Variants in TERB1 observed in about 807,000 individuals in gnomAD.
TERB1 encodes the protein telomere repeat binding bouquet formation protein 1.
In TERB1, 63 loss-of-function variants were observed where a neutral mutation model predicts 92.3. The observed-to-expected ratio is 0.68, with a 90% CI of 0.56 to 0.84. The LOEUF (loss-of-function observed/expected upper bound fraction) is 0.84, where lower values mean the gene tolerates loss of function less well. Ranked by LOEUF, TERB1 falls within the 40% of genes least tolerant of loss-of-function variation. TERB1 has a pLI of 0.00. For missense variants in TERB1, 709 were observed against 843.7 expected (o/e 0.84, Z 1.98); for synonymous variants, 252 against 283.9 (o/e 0.89, Z 1.13).
chr16:66,767,506 T>C lies in TERB1; in HGVS notation c.1689A>G (p.Pro563=). ...NIKQQLPVTD[P]FTLCSDIINK... ...TTATTATATCTGAACATAATGTAAA[T>C]GGATCTGAAAAAAATTGCAAAATGA... The change falls in exon 16 of 19, where the codon CCA becomes CCG. Residue 563 remains proline (P), a synonymous_variant. Coordinates refer to ENST00000433154, the MANE Select transcript of TERB1 (RefSeq NM_001136505.2). 6.9e-7 allele frequency: 1 copy of C among 1,445,582 alleles called. No individual in the cohort carries two copies. Among genetic ancestry groups the C allele is most frequent in the Non-Finnish European group, 9.3e-7 (1 of 1,079,530 alleles). The allele number at this position is 1,445,582 out of a possible 1,614,324, so 89.5% of individuals were successfully genotyped here. A position where few individuals can be genotyped will look rare whatever the true frequency, so the allele number is the denominator to read the frequency against.
rs1368978577 is a variant in TERB1 at position 66,754,671 on chromosome 16, A to C, written c.*305T>G. The C allele has an allele frequency of 3.4e-6, 1 of 295,502 alleles. No individual in the cohort carries two copies. Among genetic ancestry groups the C allele is most frequent in the Non-Finnish European group, 6.2e-6 (1 of 160,794 alleles). The allele number at this position is 295,502 out of a possible 1,614,324, so 18.3% of individuals were successfully genotyped here. ...ATAGTATTTATTGCAATATAATGTC[A>C]AATAACATTTAAAGGCTAATTCTTT... is the stretch of plus-strand genomic sequence containing the variant. On this transcript the variant is annotated 3_prime_UTR_variant, in exon 19 of 19. Transcript: ENST00000433154.
At chr16:66,802,005 G>C (rs1201616528), upstream of TERB1, among the ~76,000 whole-genome samples, 2 of 152,190 alleles carry the variant, frequency 1.3e-5, no homozygotes, top group African/African-American at 2.4e-5. Flanking sequence ...TCACCAGGGG[G>C]CTTCCGGAGT....
intron 5 of TERB1, among the ~76,000 whole-genome samples, chr16:66,788,647 C>T (rs1230433006): frequency 2.0e-5 from 3 of 150,296 alleles, no homozygotes; most frequent in Non-Finnish European, 4.4e-5. Flanking sequence ...AAAAACAATT[C>T]AAGAAAATTC....
In TERB1 at chr16:66,775,356, A is replaced by G. The variant is rs994919736; in HGVS notation, c.986-113T>C. 6.5e-5 allele frequency: 62 copies of G among 957,628 alleles called. No homozygotes were observed. The Middle Eastern group carries it at 9.0e-4, about 14-fold the overall frequency. 59.3% of individuals were successfully genotyped at this position (957,628 alleles called of 1,614,324 possible). ...TAGTTCAAAATTTTAAAAATAGGCC[A>G]GGAACGGTGGCTCACTCTTGTAATC... On this transcript the variant is annotated intron_variant, in intron 11 of 18. Transcript: ENST00000433154.
intron 6 of TERB1, among the ~76,000 whole-genome samples, chr16:66,787,296 T>C (rs1041694748): frequency 3.3e-5 from 5 of 151,244 alleles, no homozygotes; most frequent in African/African-American, 1.2e-4. Context: ...TTTTTTTTTT[T>C]TTTATTTCTT....
At chr16:66,767,086 T>A (rs757457) in intron 16 of TERB1, among the ~76,000 whole-genome samples, 1 of 151,112 alleles carries the variant, frequency 6.6e-6, no homozygotes, top group African/African-American at 2.4e-5. Flanking sequence ...ACCAGCACTT[T>A]GAGAGGCTGA....
rs1340897138 is a variant in TERB1, at chr16:66,786,237, G to A, written c.449C>T (p.Ser150Leu). The A allele has an allele frequency of 6.5e-7, 1 of 1,549,488 alleles. No homozygotes were observed. ...VRETGCITVL[S>L]RLFRTVISKH... Reference sequence around the variant, plus strand: ...TGTATTTGTTTACCTGAATAACCGTGACAGAACTGTAATACAACCTGTTTC... The same window carrying A: ...TGTATTTGTTTACCTGAATAACCGTAACAGAACTGTAATACAACCTGTTTC... The change falls in exon 7 of 19, where the codon TCA becomes TTA. Residue 150 changes from serine (S) to leucine (L), a missense_variant. Transcript: ENST00000433154.
intron 9 of TERB1, among the ~76,000 whole-genome samples, chr16:66,783,812 C>A (rs1044747359): frequency 6.6e-6 from 1 of 152,274 alleles, no homozygotes; most frequent in East Asian, 1.9e-4. Flanking sequence ...GCACACTATA[C>A]CCTTGAACTT....
At chr16:66,801,679 G>A (rs1166350590), upstream of TERB1, 2 of 152,172 alleles carry the variant, frequency 1.3e-5, no homozygotes, top group Non-Finnish European at 2.9e-5. Context: ...TTACGCTTCC[G>A]CGGGTGCCCT....
At chr16:66,773,051 C>T (rs1252210024) in intron 12 of TERB1, among the ~76,000 whole-genome samples, 2 of 151,900 alleles carry the variant, frequency 1.3e-5, no homozygotes, top group Non-Finnish European at 2.9e-5. Context: ...TTTTTAGGCC[C>T]GGCACAGTGG....
chr16:66,766,110 A>G (rs1597011204), intron 16 of TERB1, among the ~76,000 whole-genome samples: 1 of 151,046 alleles, frequency 6.6e-6, no homozygotes, highest in African/African-American at 2.4e-5. Context: ...TGACCTCATG[A>G]TCCACCCGCC....
chr16:66,780,801 G>A (rs572051298), intron 9 of TERB1, among the ~76,000 whole-genome samples: 1 of 152,264 alleles, frequency 6.6e-6, no homozygotes, highest in African/African-American at 2.4e-5. Context: ...GAGATAAAGG[G>A]ACTGTTAGGG....
Position 66,755,025 on chromosome 16 carries a change from G to A in TERB1, c.2135C>T (p.Ala712Val). 1 of 1,551,542 alleles carries A rather than the reference G, an allele frequency of 6.4e-7. No individual in the cohort carries two copies. Among genetic ancestry groups the A allele is most frequent in the Non-Finnish European group, 8.7e-7 (1 of 1,146,966 alleles). The change falls in exon 19 of 19, where the codon GCT (alanine) becomes GTT (valine). Residue 712 changes from alanine (A) to valine (V), a missense_variant. Ala to Val is a moderately conservative substitution (Grantham distance 64, BLOSUM62 0). Coordinates refer to ENST00000433154, the MANE Select transcript of TERB1 (RefSeq NM_001136505.2). ...FQQGRKAVDL[A>V]HKYHKLTKHP... ...TTTGGTCAGCTTGTGGTATTTGTGAGCAAGGTCCACAGCCTTCCGTCCTTG... is the reference window on the plus strand; with the variant it reads ...TTTGGTCAGCTTGTGGTATTTGTGAACAAGGTCCACAGCCTTCCGTCCTTG...
chr16:66,771,447 G>A (rs938272571), intron 13 of TERB1, among the ~76,000 whole-genome samples: 52 of 152,010 alleles, frequency 3.4e-4, no homozygotes, highest in African/African-American at 1.1e-3. Context: ...TCCATTTATC[G>A]ATGATGAAAC....
intron 13 of TERB1, 78 bp downstream of exon 13, chr16:66,772,511 A>T: frequency 7.9e-7 from 1 of 1,263,632 alleles, no homozygotes; most frequent in South Asian, 1.4e-5. Context: ...TTTATATGTC[A>T]GTGTAGTATG....
At chr16:66,755,209 T>G in intron 18 of TERB1, 46 bp from the exon 19 acceptor site, 1 of 1,211,984 alleles carries the variant, frequency 8.3e-7, no homozygotes, top group Non-Finnish European at 1.2e-6. Flanking sequence ...TGAACAAAGG[T>G]CCTGAGATGC....
At chr16:66,778,169 C>G (rs960140327) in intron 10 of TERB1, among the ~76,000 whole-genome samples, 1 of 152,176 alleles carries the variant, frequency 6.6e-6, no homozygotes, top group Non-Finnish European at 1.5e-5. Context: ...GTAAATCTGA[C>G]CTCATACTTA....
intron 3 of TERB1, among the ~76,000 whole-genome samples, chr16:66,791,638 C>T (rs538781184): frequency 6.6e-6 from 1 of 152,130 alleles, no homozygotes; most frequent in South Asian, 2.1e-4. Flanking sequence ...ATGGCATTAC[C>T]ACATTCCACA....
At chr16:66,776,571 GA>G (rs555658397) in intron 11 of TERB1, among the ~76,000 whole-genome samples, 285 of 152,010 alleles carry the variant, frequency 1.9e-3, no homozygotes, top group African/African-American at 6.6e-3. Flanking sequence ...GAAGAAGCAA[GA>G]GAGAGCAAAG....
Sources: gnomAD v4.1 joint callset for allele counts (sites outside exome capture counted in the v4.1 genomes callset) on GRCh38, gnomAD v4.1.1 for gene constraint, MANE v1.5 for transcripts, NCBI Gene and HGNC (gene_info 2026-07-23, HGNC 2026-07-21) for gene names.